SUMF1: variants seen among roughly 807,000 people sequenced by gnomAD.
SUMF1 encodes the protein sulfatase modifying factor 1, also known as formylglycine-generating enzyme.
Under a neutral mutation model 47.6 loss-of-function variants are expected in SUMF1, and 48 were observed. The observed-to-expected ratio is 1.01, with a 90% CI of 0.80 to 1.28. The LOEUF is 1.28. Ranked by LOEUF, SUMF1 falls within the 50% of genes most tolerant of loss-of-function variation. SUMF1 has a pLI of 0.00. For synonymous variants in SUMF1, 230 were observed against 192.1 expected (o/e 1.20, Z -1.63); for missense variants, 571 against 485.4 (o/e 1.18, Z -1.66).
At chr3:4,139,247 T>C (rs1027958859) in intron 8 of SUMF1, among the ~76,000 whole-genome samples, 3 of 152,032 alleles carry the variant, frequency 2.0e-5, no homozygotes, top group African/African-American at 7.2e-5. Context: ...AGAGTAAATT[T>C]CCAATATATG....
rs1211193043 is a variant in SUMF1 at position 4,217,509 on chromosome 3, ATT to A, written c.1015-148766_1015-148765del. Among the ~76,000 whole-genome samples, 352 of 70,964 alleles carry A rather than the reference ATT, an allele frequency of 5.0e-3. 91 individuals carry two copies. Among genetic ancestry groups the A allele is most frequent in the African/African-American group, 0.024 (282 of 11,910 alleles). 46.6% of individuals were successfully genotyped at this position (70,964 alleles called of 152,430 possible). On this transcript the variant is annotated intron_variant and NMD_transcript_variant, in intron 8 of 12. Coordinates refer to the SUMF1 transcript ENST00000448413. ...ACACATGTATCCCAGAACTTAAAGT[ATT>A]TTTTATATATATATATATATATATA...
chr3:4,189,696 A>G (rs1695274891), intron 8 of SUMF1, among the ~76,000 whole-genome samples: 1 of 100,856 alleles, frequency 9.9e-6, no homozygotes, highest in African/African-American at 3.9e-5. Context: ...ATTTTGAAGA[A>G]CTAAAGGAAG....
At chr3:4,111,504 G>A (rs970849458) in intron 8 of SUMF1, among the ~76,000 whole-genome samples, 1 of 152,168 alleles carries the variant, frequency 6.6e-6, no homozygotes, top group South Asian at 2.1e-4. Flanking sequence ...TGGATCACGA[G>A]GTCAAGAGAT....
At chr3:4,161,619 A>G (rs527605755) in intron 8 of SUMF1, among the ~76,000 whole-genome samples, 2 of 151,792 alleles carry the variant, frequency 1.3e-5, no homozygotes, top group Middle Eastern at 3.4e-3. Flanking sequence ...ACTACCACCA[A>G]TGTTCACTTA....
At chr3:4,291,722 C>G (rs567732688) in intron 8 of SUMF1, among the ~76,000 whole-genome samples, 1 of 152,092 alleles carries the variant, frequency 6.6e-6, no homozygotes, top group African/African-American at 2.4e-5. Flanking sequence ...AAGTGGAAAA[C>G]TAAATTGCCA....
chr3:4,377,681 A>C (rs530798222), intron 7 of SUMF1, among the ~76,000 whole-genome samples: 1 of 152,346 alleles, frequency 6.6e-6, no homozygotes, highest in African/African-American at 2.4e-5. Flanking sequence ...GAAAATCCTA[A>C]AGCATCAGTT....
At chr3:4,460,469 CCT>C (rs1016124400) in intron 1 of SUMF1, among the ~76,000 whole-genome samples, 1 of 151,862 alleles carries the variant, frequency 6.6e-6, no homozygotes, top group African/African-American at 2.4e-5. Flanking sequence ...TCTCTCTTGC[CCT>C]GTCTTTCACC....
At chr3:4,155,979 A>T (rs1439187247) in intron 8 of SUMF1, among the ~76,000 whole-genome samples, 3 of 151,470 alleles carry the variant, frequency 2.0e-5, no homozygotes, top group Admixed American at 6.6e-5. Context: ...ACTTGACCAA[A>T]GCTGGGCCCA....
intron 8 of SUMF1, among the ~76,000 whole-genome samples, chr3:4,133,316 T>C (rs1315749683): frequency 6.6e-6 from 1 of 152,160 alleles, no homozygotes; most frequent in Non-Finnish European, 1.5e-5. Flanking sequence ...TGAAGGATAG[T>C]TATATTAGGC....
Position 4,151,465 on chromosome 3 carries a change from A to ATGTATATATGTATACATG in SUMF1, c.1015-82721_1015-82720insCATGTATACATATATACA, listed in dbSNP as rs1559514228. ...TGTATATATGTATACATGTGTATAT[A>ATGTATATATGTATACATG]TGTATATATGTATATATGTGTATAT... On this transcript the variant is annotated intron_variant and NMD_transcript_variant, in intron 8 of 12. Transcript: ENST00000448413. 4.4e-4 allele frequency among the ~76,000 whole-genome samples: 62 copies of ATGTATATATGTATACATG among 142,392 alleles called. 1 individual carries two copies. The highest frequency in any genetic ancestry group is 1.5e-3 in the African/African-American group (54 of 36,950). The allele number at this position is 142,392 out of a possible 152,430, so 93.4% of individuals were successfully genotyped here. A position where few individuals can be genotyped will look rare whatever the true frequency, so the allele number is the denominator to read the frequency against.
chr3:4,137,129 C>T (rs1275292721), intron 8 of SUMF1, among the ~76,000 whole-genome samples: 2 of 151,988 alleles, frequency 1.3e-5, no homozygotes, highest in Non-Finnish European at 2.9e-5. Context: ...TGGGTATATA[C>T]CCAAAGGATT....
At chr3:4,160,385 A>C (rs1356493597) in intron 8 of SUMF1, among the ~76,000 whole-genome samples, 1 of 151,972 alleles carries the variant, frequency 6.6e-6, no homozygotes, top group Non-Finnish European at 1.5e-5. Flanking sequence ...GACTACAAGT[A>C]TGAGCCACCA....
intron 8 of SUMF1, among the ~76,000 whole-genome samples, chr3:4,165,862 T>TTCCC (rs61488909): frequency 7.2e-6 from 1 of 139,312 alleles, no homozygotes; most frequent in South Asian, 2.4e-4. Context: ...TTTGTTTGTT[T>TTCCC]CCCCCCCCCC....
intron 8 of SUMF1, among the ~76,000 whole-genome samples, chr3:4,372,556 T>C (rs1411293334): frequency 2.6e-5 from 4 of 152,178 alleles, no homozygotes; most frequent in Admixed American, 6.5e-5. Flanking sequence ...ATGATGCTGA[T>C]AGGAGCAACT....
intron 4 of SUMF1, 115 bp downstream of exon 4, chr3:4,419,949 T>G (rs1575200228): frequency 1.2e-6 from 1 of 846,444 alleles, no homozygotes; most frequent in African/African-American, 1.7e-5. Flanking sequence ...TCAATTACAG[T>G]TTGTCATTCT....
At chr3:4,081,869 C>T (rs894036332) in intron 8 of SUMF1, among the ~76,000 whole-genome samples, 3 of 152,084 alleles carry the variant, frequency 2.0e-5, no homozygotes, top group African/African-American at 7.2e-5. Context: ...AAAGCTCATA[C>T]CTGGTCCATC....
In SUMF1 at chr3:4,302,420, A is replaced by G. The variant is rs138602471; in HGVS notation, c.1014+73910T>C. Among the ~76,000 whole-genome samples, 200 of 152,298 alleles carry G rather than the reference A, an allele frequency of 1.3e-3. 1 individual carries two copies. Among genetic ancestry groups the G allele is most frequent in the African/African-American group, 4.5e-3 (185 of 41,560 alleles). ...AATAGAAACGAATGTCTGGGTTGCA[A>G]TAAGAGGTTGTGGATACCAAATTTG... On this transcript the variant is annotated intron_variant and NMD_transcript_variant, in intron 8 of 12. Coordinates refer to the SUMF1 transcript ENST00000448413.
chr3:4,234,860 G>A (rs983028193), intron 8 of SUMF1, among the ~76,000 whole-genome samples: 7 of 152,138 alleles, frequency 4.6e-5, no homozygotes, highest in African/African-American at 1.7e-4. Flanking sequence ...AAATAAATTC[G>A]TTTAGCAAGA....
chr3:4,376,540 G>C, intron 7 of SUMF1, 151 bp from the exon 8 acceptor site: 1 of 805,882 alleles, frequency 1.2e-6, no homozygotes. Context: ...ATCTGTATTC[G>C]TGGGCTCTCC....
Sources: gnomAD v4.1 joint callset for allele counts (sites outside exome capture counted in the v4.1 genomes callset) on GRCh38, gnomAD v4.1.1 for gene constraint, MANE v1.5 for transcripts, NCBI Gene and HGNC (gene_info 2026-07-23, HGNC 2026-07-21) for gene names.